IL5: variants seen among roughly 807,000 people sequenced by gnomAD.
The protein encoded by IL5 is interleukin-5.
In IL5, 12 loss-of-function variants were observed where a neutral mutation model predicts 16.3. The ratio of observed to expected loss-of-function variants is 0.74; its 90% CI spans 0.47 to 1.20. The LOEUF (loss-of-function observed/expected upper bound fraction) is 1.20. Ranked by LOEUF, IL5 falls within the 50% of genes most tolerant of loss-of-function variation. The pLI is 0.00. For synonymous variants in IL5, 54 were observed against 56.6 expected (o/e 0.95, Z 0.21); for missense variants, 159 against 153.9 (o/e 1.03, Z -0.17).
chr5:132,543,261 A>C (rs1749728467), intron 1 of IL5, 74 bp downstream of exon 1: 2 of 1,441,932 alleles, frequency 1.4e-6, no homozygotes, highest in Non-Finnish European at 1.9e-6. Context: ...ACAGATCTCT[A>C]TATATAGTAA....
chr5:132,552,778 C>T (rs1201391386), intron 1 of IL5, among the ~76,000 whole-genome samples: 3 of 152,156 alleles, frequency 2.0e-5, no homozygotes, highest in Non-Finnish European at 4.4e-5. Flanking sequence ...CTCTGTCACC[C>T]AGGCTGGAGT....
intron 1 of IL5, among the ~76,000 whole-genome samples, chr5:132,555,037 C>A (rs956688234): frequency 1.2e-4 from 19 of 152,148 alleles, no homozygotes; most frequent in Admixed American, 6.5e-5. Flanking sequence ...AAGCTAGATC[C>A]CTTGCATGGG....
At chr5:132,554,238 G>A (rs770747157) in intron 1 of IL5, among the ~76,000 whole-genome samples, 3 of 151,756 alleles carry the variant, frequency 2.0e-5, no homozygotes, top group Non-Finnish European at 4.4e-5. Flanking sequence ...GTGGTGCCAC[G>A]TGCCTGTAAT....
At chr5:132,551,562 A>ATG (rs1257293980) in intron 1 of IL5, among the ~76,000 whole-genome samples, 3 of 138,538 alleles carry the variant, frequency 2.2e-5, no homozygotes, top group Admixed American at 6.8e-5. Context: ...GCGTGCATGC[A>ATG]TGTGTGTGTG....
upstream of IL5, chr5:132,544,065 T>C (rs1407420872): frequency 6.6e-6 from 1 of 152,076 alleles, no homozygotes; most frequent in Non-Finnish European, 1.5e-5. Flanking sequence ...TAACCTAAAG[T>C]TGTTGAAGAT....
At chr5:132,550,227 A>C (rs1383851096) in intron 1 of IL5, among the ~76,000 whole-genome samples, 2 of 151,624 alleles carry the variant, frequency 1.3e-5, no homozygotes, top group African/African-American at 4.9e-5. Context: ...AATTTTAAAA[A>C]TTTTCCTTAT....
intron 1 of IL5, among the ~76,000 whole-genome samples, chr5:132,550,325 CTTTTT>C (rs539567798): frequency 7.2e-6 from 1 of 138,158 alleles, no homozygotes; most frequent in African/African-American, 2.7e-5. Flanking sequence ...AAAAAGAAAT[CTTTTT>C]TTTTTTTTTT....
upstream of IL5, chr5:132,543,535 C>G: frequency 6.7e-7 from 1 of 1,496,544 alleles, no homozygotes; most frequent in Middle Eastern, 1.8e-4. Flanking sequence ...TACAAGACTG[C>G]GTCCCCAGTC....
At chr5:132,554,791 C>T (rs1267082679) in intron 1 of IL5, among the ~76,000 whole-genome samples, 1 of 152,086 alleles carries the variant, frequency 6.6e-6, no homozygotes, top group Non-Finnish European at 1.5e-5. Context: ...TGAAAGTAAC[C>T]CAAATGTCCA....
chr5:132,549,989 A>T (rs1163257009), intron 1 of IL5, among the ~76,000 whole-genome samples: 1 of 152,222 alleles, frequency 6.6e-6, no homozygotes, highest in Non-Finnish European at 1.5e-5. Context: ...ACACATAGAC[A>T]GTTTTACAGT....
intron 2 of IL5, among the ~76,000 whole-genome samples, 169 bp downstream of exon 2, chr5:132,542,925 T>C (rs188000455): frequency 3.3e-5 from 5 of 152,328 alleles, no homozygotes; most frequent in Admixed American, 1.3e-4. Flanking sequence ...AGGATTCTAC[T>C]TGATAAAAAG....
chr5:132,549,181 G>A (rs2078392), intron 1 of IL5, among the ~76,000 whole-genome samples: 26,531 of 152,126 alleles, frequency 0.17, 2,656 homozygotes, highest in South Asian at 0.23. Context: ...TCAGCTTCCT[G>A]AGTAGCTGGG....
At chr5:132,554,532 AC>A (rs1749940770) in intron 1 of IL5, among the ~76,000 whole-genome samples, 1 of 152,244 alleles carries the variant, frequency 6.6e-6, no homozygotes, top group African/African-American at 2.4e-5. Flanking sequence ...CCATAAAAAA[AC>A]ATAAAATAAC....
rs199698807 is a variant in IL5, at chr5:132,541,693, C to A, written c.*118G>T. 1 of 579,704 alleles carries A rather than the reference C, an allele frequency of 1.7e-6. No individual in the cohort carries two copies. Among genetic ancestry groups the A allele is most frequent in the Non-Finnish European group, 3.0e-6 (1 of 331,018 alleles). 35.9% of individuals were successfully genotyped at this position (579,704 alleles called of 1,614,324 possible). The stretch of plus-strand genomic sequence containing the variant: ...TCAGTATGCCTGAAATATTTACTTT[C>A]CCTCTGAAGTTAAATTATACTGAAA... On this transcript the variant is annotated 3_prime_UTR_variant, in exon 4 of 4. Transcript: ENST00000231454.
At chr5:132,550,121 A>G (rs1455754542) in intron 1 of IL5, among the ~76,000 whole-genome samples, 1 of 152,150 alleles carries the variant, frequency 6.6e-6, no homozygotes, top group Non-Finnish European at 1.5e-5. Flanking sequence ...AAACTGATGT[A>G]CCATAGTTTC....
In IL5 at chr5:132,542,100, A is replaced by T. The variant is rs781651819; in HGVS notation, c.221T>A (p.Leu74Gln). The change falls in exon 3 of 4, where the codon CTG (leucine) becomes CAG (glutamine). Residue 74 changes from leucine (L) to glutamine (Q), a missense_variant. Transcript: ENST00000231454. The stretch of plus-strand genomic sequence containing the variant: ...ACCCCCTTGCACAGTTTGACTCTCC[A>T]GTGTGCCTATTCCCTGAAAGATTTC... Reference protein sequence around the residue: ...TEEIFQGIGTLESQTVQGGTV... With the variant: ...TEEIFQGIGTQESQTVQGGTV... 3 of 1,613,536 alleles carry T rather than the reference A, an allele frequency of 1.9e-6. No homozygotes were observed. Among genetic ancestry groups the T allele is most frequent in the Non-Finnish European group, 2.5e-6 (3 of 1,179,538 alleles).
intron 1 of IL5, among the ~76,000 whole-genome samples, chr5:132,552,911 T>C (rs367692649): frequency 3.9e-5 from 6 of 152,276 alleles, no homozygotes; most frequent in African/African-American, 1.2e-4. Context: ...ATTTTTTGCA[T>C]TTTTAGTAGA....
intron 1 of IL5, among the ~76,000 whole-genome samples, chr5:132,551,618 C>T (rs1284219822): frequency 1.3e-5 from 2 of 152,156 alleles, no homozygotes; most frequent in African/African-American, 4.8e-5. Context: ...GCCCACCTCG[C>T]ACCCTGAGCT....
intron 2 of IL5, among the ~76,000 whole-genome samples, chr5:132,542,448 TGAG>T (rs1749713230): frequency 6.6e-6 from 1 of 152,128 alleles, no homozygotes; most frequent in Non-Finnish European, 1.5e-5. Context: ...ATATGATTAC[TGAG>T]GAGTTTTATA....
Sources: gnomAD v4.1 joint callset for allele counts (sites outside exome capture counted in the v4.1 genomes callset) on GRCh38, gnomAD v4.1.1 for gene constraint, MANE v1.5 for transcripts, NCBI Gene and HGNC (gene_info 2026-07-23, HGNC 2026-07-21) for gene names.